Variants in RAPGEF1 observed in about 807,000 individuals in gnomAD.
RAPGEF1 encodes CRK SH3-binding GNRP.
Under a neutral mutation model 143.3 loss-of-function variants are expected in RAPGEF1, and 33 were observed. That is an observed-to-expected ratio of 0.23 (90% CI 0.17 to 0.31). The LOEUF is 0.31. RAPGEF1 is among the 10% of genes least tolerant of loss of function. The pLI is 1.00. For synonymous variants in RAPGEF1, 629 were observed against 676.5 expected (o/e 0.93, Z 1.09); for missense variants, 1,199 against 1,645.4 (o/e 0.73, Z 4.69).
At chr9:131,709,076 C>T (rs985034876) in intron 1 of RAPGEF1, among the ~76,000 whole-genome samples, 6 of 152,084 alleles carry the variant, frequency 3.9e-5, no homozygotes, top group Admixed American at 2.0e-4. Flanking sequence ...CAGCCAGGCG[C>T]GGTGGCTCAC....
intron 1 of RAPGEF1, among the ~76,000 whole-genome samples, chr9:131,732,528 A>G (rs1161860393): frequency 6.6e-6 from 1 of 152,228 alleles, no homozygotes; most frequent in Non-Finnish European, 1.5e-5. Flanking sequence ...GTGGCGGCTC[A>G]GCCTTCACGG....
chr9:131,653,998 A>T (rs1195098315), intron 1 of RAPGEF1, among the ~76,000 whole-genome samples: 1 of 152,264 alleles, frequency 6.6e-6, no homozygotes, highest in African/African-American at 2.4e-5. Context: ...CCTTGAAAAC[A>T]TTATTTAAGC....
chr9:131,612,501 C>G (rs894269530), intron 12 of RAPGEF1, among the ~76,000 whole-genome samples: 3 of 152,226 alleles, frequency 2.0e-5, no homozygotes, highest in African/African-American at 7.2e-5. Flanking sequence ...AAGGCTGTGA[C>G]CAGTCCTGCT....
At chr9:131,665,746 G>A (rs1001466016) in intron 1 of RAPGEF1, among the ~76,000 whole-genome samples, 2 of 152,150 alleles carry the variant, frequency 1.3e-5, no homozygotes, top group Non-Finnish European at 2.9e-5. Flanking sequence ...GCCACTATGA[G>A]TGGTTGGGTA....
In RAPGEF1 at chr9:131,579,316, G is replaced by A. The variant is rs1446641627; in HGVS notation, c.*181C>T. Reference sequence around the variant, plus strand: ...AGGCCCACGGGTCTGCTCCCACAGAGGAAGGAGGCAGGAAGCGGCTGGCAG... The same window carrying A: ...AGGCCCACGGGTCTGCTCCCACAGAAGAAGGAGGCAGGAAGCGGCTGGCAG... On this transcript the variant is annotated 3_prime_UTR_variant, in exon 27 of 27. Coordinates refer to ENST00000683357, the MANE Select transcript of RAPGEF1 (RefSeq NM_001377935.1). 2.0e-5 allele frequency: 16 copies of A among 802,866 alleles called. No homozygotes were observed. The highest frequency in any genetic ancestry group is 3.0e-5 in the Non-Finnish European group (15 of 506,046). The allele number at this position is 802,866 out of a possible 1,614,324, so 49.7% of individuals were successfully genotyped here.
intron 1 of RAPGEF1, among the ~76,000 whole-genome samples, chr9:131,662,999 A>T (rs12686345): frequency 0.22 from 32,732 of 151,954 alleles, 4,111 homozygotes; most frequent in Non-Finnish European, 0.29. Context: ...AAAAAAATCA[A>T]ATCTACTGAT....
At chr9:131,657,727 C>T (rs955290741) in intron 1 of RAPGEF1, among the ~76,000 whole-genome samples, 2 of 152,224 alleles carry the variant, frequency 1.3e-5, no homozygotes, top group African/African-American at 2.4e-5. Context: ...GATGGTGCAG[C>T]TCGAGAAGCG....
chr9:131,731,085 C>T (rs997078329), intron 1 of RAPGEF1, among the ~76,000 whole-genome samples: 2 of 152,200 alleles, frequency 1.3e-5, no homozygotes, highest in African/African-American at 4.8e-5. Context: ...TTTGCCCCAA[C>T]TCAGTATATG....
At chr9:131,678,665 G>A (rs1832648597) in intron 1 of RAPGEF1, among the ~76,000 whole-genome samples, 1 of 152,204 alleles carries the variant, frequency 6.6e-6, no homozygotes, top group African/African-American at 2.4e-5. Flanking sequence ...GCAGCTCAGA[G>A]CGGTTAAGTG....
intron 3 of RAPGEF1, among the ~76,000 whole-genome samples, chr9:131,648,179 C>T (rs1479561709): frequency 4.6e-5 from 7 of 152,160 alleles, no homozygotes; most frequent in Admixed American, 6.5e-5. Flanking sequence ...CACTTGAGGT[C>T]AGGAGTTTGA....
At chr9:131,596,497 G>A (rs370577002) in intron 16 of RAPGEF1, 124 bp from the exon 17 acceptor site, 23 of 943,506 alleles carry the variant, frequency 2.4e-5, no homozygotes, top group East Asian at 1.0e-4. Context: ...CTCTCCTTCT[G>A]TGCTCCTCGG....
In RAPGEF1 at chr9:131,718,936, C is replaced by T. The variant is rs552712831; in HGVS notation, c.61+20834G>A. On this transcript the variant is annotated intron_variant, in intron 1 of 26. Transcript: ENST00000683357. ...CTTTACAGAGCACGTACACTTGATGCTGTAAAATTACTCATGGGAGTACTG... is the reference window on the plus strand; with the variant it reads ...CTTTACAGAGCACGTACACTTGATGTTGTAAAATTACTCATGGGAGTACTG... 2.5e-4 allele frequency among the ~76,000 whole-genome samples: 38 copies of T among 152,270 alleles called. No individual in the cohort carries two copies. The East Asian group carries it at 4.8e-3, about 19-fold the overall frequency.
chr9:131,621,646 T>C lies in RAPGEF1; in HGVS notation c.1905+150A>G, dbSNP rs891142495. ...AGCATCTAAGGAGGAAGTAAAAGCATCTGTGTGGGAGATGGTGCCTTCCAC... is the reference window on the plus strand; with the variant it reads ...AGCATCTAAGGAGGAAGTAAAAGCACCTGTGTGGGAGATGGTGCCTTCCAC... On this transcript the variant is annotated intron_variant, in intron 11 of 26. Transcript: ENST00000683357. This position sits in a 1 kb window ranked among gnomAD's most constrained non-coding sequence, Gnocchi z 4.5. The C allele has an allele frequency of 9.3e-6, 7 of 753,918 alleles. No homozygotes were observed. The highest frequency in any genetic ancestry group is 1.3e-5 in the Non-Finnish European group (6 of 468,758). 46.7% of individuals were successfully genotyped at this position (753,918 alleles called of 1,614,324 possible). A position where few individuals can be genotyped will look rare whatever the true frequency, so the allele number is the denominator to read the frequency against.
chr9:131,582,786 T>C, intron 24 of RAPGEF1, 84 bp from the exon 25 acceptor site: 1 of 1,231,922 alleles, frequency 8.1e-7, no homozygotes, highest in Non-Finnish European at 1.1e-6. Flanking sequence ...TCCTCCTCAC[T>C]AACTGGAGGG....
intron 1 of RAPGEF1, chr9:131,709,522 G>T: frequency 9.1e-7 from 1 of 1,097,038 alleles, no homozygotes; most frequent in Non-Finnish European, 1.4e-6. Flanking sequence ...GCTCTGGAAG[G>T]TGATTCCCCA....
chr9:131,701,612 C>A (rs932143735), intron 1 of RAPGEF1, among the ~76,000 whole-genome samples: 1 of 152,142 alleles, frequency 6.6e-6, no homozygotes, highest in Non-Finnish European at 1.5e-5. Context: ...TGATACAATA[C>A]ATAATGGATT....
At chr9:131,598,544 C>G in intron 15 of RAPGEF1, 1 of 664,658 alleles carries the variant, frequency 1.5e-6, no homozygotes, top group East Asian at 3.0e-5. Flanking sequence ...AGTGATTCCG[C>G]TGGGAAAATA....
intron 12 of RAPGEF1, among the ~76,000 whole-genome samples, chr9:131,613,074 C>T (rs1233766198): frequency 6.6e-6 from 1 of 152,188 alleles, no homozygotes; most frequent in Non-Finnish European, 1.5e-5. Context: ...CACATGGCGA[C>T]AGATCTGATG....
chr9:131,696,896 C>T lies in RAPGEF1; in HGVS notation c.61+42874G>A, dbSNP rs908820115. ...AATAACATTAACAGCTGAAATTTAT[C>T]GAGGGCTAACTCTATGCCAAGTATT... On this transcript the variant is annotated intron_variant, in intron 1 of 26. Transcript: ENST00000683357. Among the ~76,000 whole-genome samples the T allele has an allele frequency of 1.5e-4, 23 of 152,310 alleles. No individual in the cohort carries two copies. In the East Asian group the frequency reaches 2.5e-3, roughly 17 times the overall value.
Sources: allele counts gnomAD v4.1 joint callset (sites outside exome capture counted in the v4.1 genomes callset), GRCh38; gene constraint gnomAD v4.1.1; non-coding constraint Gnocchi (gnomAD v3.1); transcripts MANE v1.5; gene names NCBI Gene and HGNC (gene_info 2026-07-23, HGNC 2026-07-21).